SLC9A8: variants seen among roughly 807,000 people sequenced by gnomAD.
The protein encoded by SLC9A8 is solute carrier family 9 member A8, also known as sodium/hydrogen exchanger 8.
Under a neutral mutation model 66.6 loss-of-function variants are expected in SLC9A8, and 48 were observed. That is an observed-to-expected ratio of 0.72 (90% CI 0.57 to 0.92). SLC9A8 has a LOEUF of 0.92. SLC9A8 is among the 40% of genes least tolerant of loss of function. SLC9A8 has a pLI of 0.00. For synonymous variants in SLC9A8, 274 were observed against 282.6 expected (o/e 0.97, Z 0.31); for missense variants, 599 against 747.3 (o/e 0.80, Z 2.31).
At chr20:49,838,402 G>A (rs548274530) in intron 3 of SLC9A8, among the ~76,000 whole-genome samples, 68 of 152,326 alleles carry the variant, frequency 4.5e-4, no homozygotes, top group Non-Finnish European at 8.4e-4. Context: ...TCTGGCAAGG[G>A]AATGTGTATT....
At chr20:49,882,621 C>T (rs1013467165) in intron 13 of SLC9A8, among the ~76,000 whole-genome samples, 8 of 152,192 alleles carry the variant, frequency 5.3e-5, no homozygotes, top group Non-Finnish European at 7.3e-5. Flanking sequence ...CTCTGGGATC[C>T]GTACTCCTGT....
chr20:49,851,550 A>G (rs1358159875), intron 7 of SLC9A8, among the ~76,000 whole-genome samples: 1 of 152,212 alleles, frequency 6.6e-6, no homozygotes, highest in African/African-American at 2.4e-5. Context: ...GGAGCTGGGC[A>G]GCAGGGTCAC....
rs1460213912 is a variant in SLC9A8 at position 49,884,330 on chromosome 20, ACACACACC to A, written c.1491+266_1491+273del. Among the ~76,000 whole-genome samples the A allele has an allele frequency of 3.2e-3, 442 of 138,926 alleles. 66 individuals carry two copies. Among genetic ancestry groups the A allele is most frequent in the African/African-American group, 9.6e-3 (348 of 36,330 alleles). The allele number at this position is 138,926 out of a possible 152,430, so 91.1% of individuals were successfully genotyped here. A position where few individuals can be genotyped will look rare whatever the true frequency, so the allele number is the denominator to read the frequency against. On this transcript the variant is annotated intron_variant, in intron 14 of 15. Coordinates refer to ENST00000361573, the MANE Select transcript of SLC9A8 (RefSeq NM_015266.3). ...CACACACACACACACACACACACAC[ACACACACC>A]CCCCGGTCATCCCCCCTGAGAAGGA...
rs1437094154 is a variant in SLC9A8, at chr20:49,886,710, T to C, written c.1492-42T>C. ...GCTTCCAGGAGGTGCCCCCCGATGG[T>C]GCCAGCTGGTGGCCGTCGGGCCGCC... On this transcript the variant is annotated intron_variant, in intron 14 of 15. Coordinates refer to ENST00000361573, the MANE Select transcript of SLC9A8 (RefSeq NM_015266.3). The surrounding 1 kb of genome is among the most constrained non-coding windows in gnomAD (Gnocchi z 4.8). The C allele has an allele frequency of 1.9e-6, 3 of 1,598,290 alleles. No homozygotes were observed. The highest frequency in any genetic ancestry group is 2.6e-6 in the Non-Finnish European group (3 of 1,170,818).
At chr20:49,838,073 AACACTC>A (rs1009315704) in intron 3 of SLC9A8, among the ~76,000 whole-genome samples, 41 of 144,438 alleles carry the variant, frequency 2.8e-4, no homozygotes, top group African/African-American at 1.1e-3. Context: ...CACACACACA[AACACTC>A]ACACCCTGGT....
At chr20:49,856,160 G>C (rs1006079292) in intron 8 of SLC9A8, among the ~76,000 whole-genome samples, 2 of 152,102 alleles carry the variant, frequency 1.3e-5, no homozygotes, top group Non-Finnish European at 2.9e-5. Flanking sequence ...ATCACTGAGG[G>C]TGCTTATTAA....
intron 12 of SLC9A8, among the ~76,000 whole-genome samples, chr20:49,879,044 C>A (rs1246056368): frequency 2.0e-5 from 3 of 151,940 alleles, no homozygotes; most frequent in African/African-American, 7.3e-5. Flanking sequence ...AGTATAATAG[C>A]CTTTAGTGTG....
intron 5 of SLC9A8, among the ~76,000 whole-genome samples, chr20:49,845,489 T>C (rs1176605919): frequency 5.3e-5 from 8 of 152,288 alleles, no homozygotes; most frequent in East Asian, 3.9e-4. Flanking sequence ...GACGGGGACA[T>C]GTGCCCCAGG....
At chr20:49,866,217 T>C (rs1600764818) in intron 10 of SLC9A8, among the ~76,000 whole-genome samples, 1 of 152,188 alleles carries the variant, frequency 6.6e-6, no homozygotes, top group Non-Finnish European at 1.5e-5. Context: ...CTCCTCTCTT[T>C]CAGTTACGTT....
At chr20:49,873,033 G>T (rs182903637) in intron 10 of SLC9A8, among the ~76,000 whole-genome samples, 2 of 152,198 alleles carry the variant, frequency 1.3e-5, no homozygotes, top group African/African-American at 4.8e-5. Context: ...GGCAGCGGAC[G>T]AATGTCGAGG....
At chr20:49,844,332 A>G (rs1372187139) in intron 4 of SLC9A8, among the ~76,000 whole-genome samples, 1 of 152,162 alleles carries the variant, frequency 6.6e-6, no homozygotes, top group Non-Finnish European at 1.5e-5. Flanking sequence ...AGGGCTTGCC[A>G]TTACCTTTTT....
At chr20:49,813,179 G>T (rs73123840) in intron 1 of SLC9A8, among the ~76,000 whole-genome samples, 3,770 of 152,334 alleles carry the variant, frequency 0.025, 52 homozygotes, top group African/African-American at 0.034. Flanking sequence ...ACTGCCCAGC[G>T]CAGGCCCGGA....
chr20:49,863,659 A>G (rs2088839885), intron 9 of SLC9A8, among the ~76,000 whole-genome samples: 1 of 152,252 alleles, frequency 6.6e-6, no homozygotes, highest in South Asian at 2.1e-4. Context: ...AGTGTGTTCC[A>G]TTGAGTTATT....
intron 2 of SLC9A8, among the ~76,000 whole-genome samples, chr20:49,817,292 G>C (rs558357043): frequency 6.6e-6 from 1 of 151,980 alleles, no homozygotes; most frequent in African/African-American, 2.4e-5. Flanking sequence ...ACTCCAGCCT[G>C]AGTGACAAGA....
At position 49,863,026 on chromosome 20, in the gene SLC9A8, T is replaced by C. The variant is rs2088812860; in HGVS notation, c.811T>C (p.Ser271Pro). The C allele has an allele frequency of 2.5e-6, 4 of 1,614,056 alleles. No homozygotes were observed. Among genetic ancestry groups the C allele is most frequent in the Non-Finnish European group, 3.4e-6 (4 of 1,179,936 alleles). The change falls in exon 9 of 16, where the codon TCT becomes CCT. Residue 271 changes from serine (S) to proline (P), a missense_variant. By Grantham distance (74) the Ser-to-Pro change is moderately conservative (BLOSUM62 -1). Around this residue, in one of 2 missense-constraint regions of SLC9A8, gnomAD observed 467 missense variants for 626.5 expected, o/e 0.75. Coordinates refer to ENST00000361573, the MANE Select transcript of SLC9A8 (RefSeq NM_015266.3). ...LDYFLKMFFG[S>P]AALGTLTGLI... ...CTACTTCCTCAAAATGTTCTTTGGC[T>C]CTGCAGCGCTCGGCACTCTCACTGG...
intron 9 of SLC9A8, 24 bp from the exon 10 acceptor site, chr20:49,864,715 C>G (rs1310320425): frequency 6.4e-7 from 1 of 1,567,616 alleles, no homozygotes; most frequent in East Asian, 2.2e-5. Context: ...CCTCGATTCT[C>G]CTTCCTTGAC....
At position 49,884,336 on chromosome 20, in the gene SLC9A8, A is replaced by ACC. The variant is rs57249630; in HGVS notation, c.1491+275_1491+276dup. 5.5e-4 allele frequency among the ~76,000 whole-genome samples: 60 copies of ACC among 108,504 alleles called. 1 individual carries two copies. The highest frequency in any genetic ancestry group is 1.0e-3 in the Non-Finnish European group (52 of 51,916). The allele number at this position is 108,504 out of a possible 152,430, so 71.2% of individuals were successfully genotyped here. A position where few individuals can be genotyped will look rare whatever the true frequency, so the allele number is the denominator to read the frequency against. ...CACACACACACACACACACACACACACCCCCCGGTCATCCCCCCTGAGAAG... is the reference window on the plus strand; with the variant it reads ...CACACACACACACACACACACACACACCCCCCCCGGTCATCCCCCCTGAGAAG... On this transcript the variant is annotated intron_variant, in intron 14 of 15. Coordinates refer to ENST00000361573, the MANE Select transcript of SLC9A8 (RefSeq NM_015266.3).
chr20:49,859,297 AAAAGATGCCCGTAGAGAAGTG>A (rs779401750), intron 8 of SLC9A8, among the ~76,000 whole-genome samples: 5 of 152,236 alleles, frequency 3.3e-5, no homozygotes, highest in Admixed American at 6.5e-5. Context: ...CATGATGGGC[AAAAGATGCCCGTAGAGAAGTG>A]AACATGGTGC....
chr20:49,831,899 G>C (rs2087215559), intron 3 of SLC9A8, among the ~76,000 whole-genome samples: 1 of 152,200 alleles, frequency 6.6e-6, no homozygotes, highest in African/African-American at 2.4e-5. Flanking sequence ...TGCCACAGTG[G>C]GCGCTTGCCC....
Sources: gnomAD v4.1 joint callset for allele counts (sites outside exome capture counted in the v4.1 genomes callset) on GRCh38, gnomAD v4.1.1 for gene constraint, gnomAD v4.1.1 regional missense constraint, Gnocchi (gnomAD v3.1) non-coding constraint, MANE v1.5 for transcripts, NCBI Gene and HGNC (gene_info 2026-07-23, HGNC 2026-07-21) for gene names.